The following DNAJB6 variants were observed in gnomAD, a reference collection of about 807,000 sequenced individuals.
The protein encoded by DNAJB6 is dnaJ homolog subfamily B member 6.
In DNAJB6, 16 loss-of-function variants were observed where a neutral mutation model predicts 42.7. The ratio of observed to expected loss-of-function variants is 0.37; its 90% CI spans 0.25 to 0.57. DNAJB6 has a LOEUF of 0.57. DNAJB6 is among the 20% of genes least tolerant of loss of function. The pLI, the probability that DNAJB6 is intolerant of heterozygous loss-of-function variation, is 0.74. For missense variants in DNAJB6, 347 were observed against 416.8 expected (o/e 0.83, Z 1.46); for synonymous variants, 170 against 163.5 (o/e 1.04, Z -0.30).
chr7:157,397,068 C>T (rs1584939510), intron 8 of DNAJB6, among the ~76,000 whole-genome samples: 2 of 152,324 alleles, frequency 1.3e-5, no homozygotes, highest in East Asian at 1.9e-4. Flanking sequence ...CCGATGTGGA[C>T]GTGTGCACGC....
At chr7:157,360,239 G>A (rs1291156117) in intron 2 of DNAJB6, among the ~76,000 whole-genome samples, 1 of 152,218 alleles carries the variant, frequency 6.6e-6, no homozygotes, top group Non-Finnish European at 1.5e-5. Context: ...GCGACAGCAA[G>A]AGAATGAGGA....
chr7:157,359,450 C>T (rs1481032901), intron 2 of DNAJB6, among the ~76,000 whole-genome samples: 2 of 152,112 alleles, frequency 1.3e-5, no homozygotes, highest in Non-Finnish European at 2.9e-5. Context: ...TGGGCTCAAG[C>T]GATTCTCTTG....
In DNAJB6 at chr7:157,347,079, TCTC is replaced by T. The variant is rs559356104; in HGVS notation, c.-27+9938_-27+9940del. Among the ~76,000 whole-genome samples, 443 of 152,312 alleles carry T rather than the reference TCTC, an allele frequency of 2.9e-3. 2 individuals carry two copies. Among genetic ancestry groups the T allele is most frequent in the African/African-American group, 9.9e-3 (412 of 41,582 alleles). ...ACCGTGTTAGCTAGGATGGTCTTGA[TCTC>T]CTGACCTCGTGATTCGCCTGCCTCG... On this transcript the variant is annotated intron_variant, in intron 1 of 9. Transcript: ENST00000262177.
rs150871302 is a variant in DNAJB6, at chr7:157,360,580, A to G, written c.65+1943A>G. On this transcript the variant is annotated intron_variant, in intron 2 of 9. Coordinates refer to ENST00000262177, the MANE Select transcript of DNAJB6 (RefSeq NM_058246.4). The stretch of plus-strand genomic sequence containing the variant: ...GCTGAGTGTCTCTAGCATGACGTTG[A>G]AGTAGGAATTTAGAAAAGGCTGTTA... 7.5e-4 allele frequency among the ~76,000 whole-genome samples: 114 copies of G among 152,294 alleles called. No homozygotes were observed. In the East Asian group the frequency reaches 0.016, roughly 22 times the overall value.
intron 1 of DNAJB6, among the ~76,000 whole-genome samples, chr7:157,353,109 G>A (rs771651238): frequency 2.8e-4 from 42 of 149,000 alleles, no homozygotes; most frequent in Admixed American, 5.5e-4. Flanking sequence ...AAAATTTTTC[G>A]TAGAGACAGG....
intron 1 of DNAJB6, among the ~76,000 whole-genome samples, chr7:157,354,155 C>T (rs1019906471): frequency 6.6e-6 from 1 of 151,774 alleles, no homozygotes; most frequent in Non-Finnish European, 1.5e-5. Flanking sequence ...TTGTTTTTTT[C>T]GACTTTTTTG....
chr7:157,386,984 T>G (rs1801095781), intron 8 of DNAJB6, among the ~76,000 whole-genome samples: 1 of 152,086 alleles, frequency 6.6e-6, no homozygotes, highest in Admixed American at 6.5e-5. Flanking sequence ...CTAGCTGTAG[T>G]GAATATTGAA....
intron 5 of DNAJB6, among the ~76,000 whole-genome samples, chr7:157,372,464 G>T (rs1296624946): frequency 6.6e-6 from 1 of 152,210 alleles, no homozygotes; most frequent in African/African-American, 2.4e-5. Flanking sequence ...GCCAGAGCTG[G>T]GGCGCTGCCG....
chr7:157,409,661 A>AC, intron 8 of DNAJB6, 134 bp from the exon 9 acceptor site: 1 of 1,008,546 alleles, frequency 9.9e-7, no homozygotes, highest in South Asian at 1.8e-5. Context: ...AAAGGAGATA[A>AC]CCTCTTTCTC....
chr7:157,406,168 C>T lies in DNAJB6; in HGVS notation c.692-3627C>T, dbSNP rs146396303. Among the ~76,000 whole-genome samples the T allele has an allele frequency of 1.5e-3, 230 of 152,350 alleles. 2 individuals carry two copies. Among genetic ancestry groups the T allele is most frequent in the African/African-American group, 4.9e-3 (204 of 41,582 alleles). On this transcript the variant is annotated intron_variant, in intron 8 of 9. Coordinates refer to ENST00000262177, the MANE Select transcript of DNAJB6 (RefSeq NM_058246.4). ...CCTGCTGGCACATCTGTGTCCCAGC[C>T]GTGAGGCGGCCGCTCCCTGTCCATG... is the stretch of plus-strand genomic sequence containing the variant.
At chr7:157,407,352 C>CG (rs1423008688) in intron 8 of DNAJB6, among the ~76,000 whole-genome samples, 1 of 152,150 alleles carries the variant, frequency 6.6e-6, no homozygotes, top group Non-Finnish European at 1.5e-5. Context: ...CGCTGTGCCC[C>CG]GGGGAAGACT....
chr7:157,392,194 T>C (rs1254243968), intron 8 of DNAJB6, among the ~76,000 whole-genome samples: 3 of 152,020 alleles, frequency 2.0e-5, no homozygotes, highest in South Asian at 4.2e-4. Flanking sequence ...TCACGCTTGC[T>C]AGTACTGTCT....
chr7:157,403,686 G>A (rs561007006), intron 8 of DNAJB6, among the ~76,000 whole-genome samples: 1 of 152,298 alleles, frequency 6.6e-6, no homozygotes, highest in East Asian at 1.9e-4. Context: ...GCCCGATGCA[G>A]TTCCCAGCTT....
intron 1 of DNAJB6, among the ~76,000 whole-genome samples, chr7:157,338,609 G>T (rs532475090): frequency 6.6e-6 from 1 of 152,096 alleles, no homozygotes; most frequent in Admixed American, 6.5e-5. Flanking sequence ...GTTGGGATTA[G>T]AGGCGCGAGC....
intron 5 of DNAJB6, among the ~76,000 whole-genome samples, chr7:157,376,451 C>T (rs1024329160): frequency 1.3e-5 from 2 of 152,142 alleles, no homozygotes; most frequent in Non-Finnish European, 2.9e-5. Flanking sequence ...AGAAGTGTCA[C>T]TGAAAAGAGT....
chr7:157,340,676 T>C (rs141912307), intron 1 of DNAJB6, among the ~76,000 whole-genome samples: 2 of 152,278 alleles, frequency 1.3e-5, no homozygotes, highest in African/African-American at 4.8e-5. Context: ...GATGATTAGT[T>C]GACTGACTGA....
chr7:157,399,760 C>T (rs1437026843), intron 8 of DNAJB6, among the ~76,000 whole-genome samples: 1 of 152,194 alleles, frequency 6.6e-6, no homozygotes. Context: ...CGTCCGCCTC[C>T]TGGGTTCAAG....
chr7:157,377,256 T>A (rs556366491), intron 5 of DNAJB6, among the ~76,000 whole-genome samples: 14 of 152,304 alleles, frequency 9.2e-5, no homozygotes, highest in Admixed American at 9.2e-4. Flanking sequence ...AAGGATGGCT[T>A]TGCAGGACAA....
At chr7:157,396,878 C>T (rs1028199493) in intron 8 of DNAJB6, among the ~76,000 whole-genome samples, 55 of 152,206 alleles carry the variant, frequency 3.6e-4, no homozygotes, top group Non-Finnish European at 4.4e-5. Flanking sequence ...ATCCACCGCC[C>T]GCCTCCTTTT....
Sources: allele counts gnomAD v4.1 joint callset (sites outside exome capture counted in the v4.1 genomes callset), GRCh38; gene constraint gnomAD v4.1.1; transcripts MANE v1.5; gene names NCBI Gene and HGNC (gene_info 2026-07-23, HGNC 2026-07-21).